Variants in KCNQ1 observed in about 807,000 individuals in gnomAD.
KCNQ1 encodes potassium voltage-gated channel subfamily KQT member 1.
Under a neutral mutation model 72.4 loss-of-function variants are expected in KCNQ1, and 49 were observed. The ratio of observed to expected loss-of-function variants is 0.68; its 90% CI spans 0.54 to 0.86. The LOEUF (loss-of-function observed/expected upper bound fraction) is 0.86, where lower values mean the gene tolerates loss of function less well. KCNQ1 is among the 40% of genes least tolerant of loss of function. The pLI is 0.00. For synonymous variants in KCNQ1, 450 were observed against 412.6 expected, an observed-to-expected ratio of 1.09 and a Z score of -1.10; for missense variants, 790 against 945.1, an observed-to-expected ratio of 0.84 and a Z score of 2.15.
In KCNQ1 at chr11:2,583,521, C is replaced by T. The variant is rs201009813; in HGVS notation, c.1008C>T (p.Ala336=). The part of the protein sequence containing the change: ...KTIASCFSVF[A]ISFFALPAGI... ...TCGCCTCCTGCTTCTCTGTCTTTGC[C>T]ATCTCCTTCTTTGCGCTCCCAGCGG... is the stretch of plus-strand genomic sequence containing the variant. Residue 336 remains alanine, a synonymous_variant, in exon 7 of 16, where the codon GCC becomes GCT. Coordinates refer to ENST00000155840, the MANE Select transcript of KCNQ1 (RefSeq NM_000218.3). 43 of 1,613,814 alleles carry T rather than the reference C, an allele frequency of 2.7e-5. No homozygotes were observed. In the East Asian group the frequency reaches 6.2e-4, roughly 23 times the overall value.
chr11:2,582,154 G>C (rs1005956349), intron 6 of KCNQ1, among the ~76,000 whole-genome samples: 1 of 152,190 alleles, frequency 6.6e-6, no homozygotes, highest in Non-Finnish European at 1.5e-5. Flanking sequence ...GGCCGCTTCT[G>C]CTACCTGAGC....
At chr11:2,780,733 A>C (rs1377096036) in intron 15 of KCNQ1, among the ~76,000 whole-genome samples, 1 of 152,186 alleles carries the variant, frequency 6.6e-6, no homozygotes, top group Non-Finnish European at 1.5e-5. Context: ...AGTGCAGGCC[A>C]GCTGAGCTTG....
At chr11:2,729,397 G>A (rs1845814972) in intron 11 of KCNQ1, among the ~76,000 whole-genome samples, 2 of 152,264 alleles carry the variant, frequency 1.3e-5, no homozygotes, top group African/African-American at 4.8e-5. Flanking sequence ...AAAGTGAGAT[G>A]TGTTGGCATT....
chr11:2,714,758 G>A (rs1284167174), intron 11 of KCNQ1, among the ~76,000 whole-genome samples: 6 of 152,286 alleles, frequency 3.9e-5, no homozygotes, highest in South Asian at 4.1e-4. Context: ...GGGTAGGAGA[G>A]CATCTTGAGG....
chr11:2,740,152 T>G (rs231879), intron 11 of KCNQ1, among the ~76,000 whole-genome samples: 12,450 of 152,188 alleles, frequency 0.082, 713 homozygotes, highest in East Asian at 0.24. Context: ...ACGTTAGAAC[T>G]TCTTTACCCC....
Position 2,570,611 on chromosome 11 carries a change from C to T in KCNQ1, c.478-17C>T, listed in dbSNP as rs753311842. The T allele has an allele frequency of 6.2e-7, 1 of 1,611,612 alleles. No individual in the cohort carries two copies. The highest frequency in any genetic ancestry group is 1.1e-5 in the South Asian group (1 of 91,056). Reference sequence around the variant, plus strand: ...GCCGAGCCTGCCTGCAGTGAGCGTCCCACTCTGTCCCTGCAGGAGATCGTG... The same window carrying T: ...GCCGAGCCTGCCTGCAGTGAGCGTCTCACTCTGTCCCTGCAGGAGATCGTG... On this transcript the variant is annotated splice_polypyrimidine_tract_variant and intron_variant, in intron 2 of 15. Transcript: ENST00000155840.
At chr11:2,522,549 C>G (rs1188130876) in intron 1 of KCNQ1, among the ~76,000 whole-genome samples, 1 of 152,224 alleles carries the variant, frequency 6.6e-6, no homozygotes, top group Non-Finnish European at 1.5e-5. Flanking sequence ...CCGCCCGAGA[C>G]AAGAATAGAT....
Position 2,447,081 on chromosome 11 carries a change from A to G in KCNQ1, c.386+1597A>G, listed in dbSNP as rs1474453794. On this transcript the variant is annotated intron_variant, in intron 1 of 15. Coordinates refer to ENST00000155840, the MANE Select transcript of KCNQ1 (RefSeq NM_000218.3). This position sits in a 1 kb window ranked among gnomAD's most constrained non-coding sequence, Gnocchi z 7.6. Reference sequence around the variant, plus strand: ...ACCCCCTCAATTCTCACTTGTATTCAGGTTTGTGGACACATGCCTCCGGGC... The same window carrying G: ...ACCCCCTCAATTCTCACTTGTATTCGGGTTTGTGGACACATGCCTCCGGGC... Among the ~76,000 whole-genome samples, 1 of 152,132 alleles carries G rather than the reference A, an allele frequency of 6.6e-6. No homozygotes were observed. Among genetic ancestry groups the G allele is most frequent in the African/African-American group, 2.4e-5 (1 of 41,406 alleles).
At chr11:2,765,791 A>G (rs1846486655) in intron 11 of KCNQ1, among the ~76,000 whole-genome samples, 1 of 152,134 alleles carries the variant, frequency 6.6e-6, no homozygotes, top group African/African-American at 2.4e-5. Context: ...CTACACCATG[A>G]CCTATCTTTT....
intron 11 of KCNQ1, chr11:2,693,834 A>C: frequency 7.5e-6 from 3 of 398,888 alleles, no homozygotes; most frequent in Non-Finnish European, 8.8e-6. Context: ...GAAAGGCAGT[A>C]TTAGAGGCCA....
rs1846218960 is a variant in KCNQ1 at position 2,457,827 on chromosome 11, A to C, written c.386+12343A>C. 6.6e-6 allele frequency among the ~76,000 whole-genome samples: 1 copy of C among 152,022 alleles called. No individual in the cohort carries two copies. The highest frequency in any genetic ancestry group is 6.6e-5 in the Admixed American group (1 of 15,256). On this transcript the variant is annotated intron_variant, in intron 1 of 15. Transcript: ENST00000155840. The surrounding 1 kb of genome is among the most constrained non-coding windows in gnomAD (Gnocchi z 5.0). ...TTTGGCATGGGAGAAAAAAAAAAAA[A>C]ACAGATGTAAGTTAGAAGAGGTTAC... is the stretch of plus-strand genomic sequence containing the variant.
Position 2,566,271 on chromosome 11 carries a change from C to A in KCNQ1, c.478-4357C>A, listed in dbSNP as rs1273792520. On this transcript the variant is annotated intron_variant, in intron 2 of 15. Coordinates refer to ENST00000155840, the MANE Select transcript of KCNQ1 (RefSeq NM_000218.3). This position sits in a 1 kb window ranked among gnomAD's most constrained non-coding sequence, Gnocchi z 6.7. ...GGCAGTAACAGGGCCACTTCCAGAACCACCACCATGCCCAGGTCATGTCTG... is the reference window on the plus strand; with the variant it reads ...GGCAGTAACAGGGCCACTTCCAGAAACACCACCATGCCCAGGTCATGTCTG... Among the ~76,000 whole-genome samples the A allele has an allele frequency of 1.3e-5, 2 of 152,232 alleles. No individual in the cohort carries two copies. The highest frequency in any genetic ancestry group is 2.9e-5 in the Non-Finnish European group (2 of 68,038).
Position 2,678,124 on chromosome 11 carries a change from A to G in KCNQ1, c.1514+16043A>G. On this transcript the variant is annotated intron_variant, in intron 11 of 15. Coordinates refer to ENST00000155840, the MANE Select transcript of KCNQ1 (RefSeq NM_000218.3). This position sits in a 1 kb window ranked among gnomAD's most constrained non-coding sequence, Gnocchi z 4.9. ...TTGCTTTGTCATATTCATTGAAAAT[A>G]TTTTATCCTCATTTTCCTTAGGTGT... 1 of 398,242 alleles carries G rather than the reference A, an allele frequency of 2.5e-6. No individual in the cohort carries two copies. The highest frequency in any genetic ancestry group is 3.6e-5 in the East Asian group (1 of 27,994). The allele number at this position is 398,242 out of a possible 1,614,324, so 24.7% of individuals were successfully genotyped here.
At chr11:2,583,267 C>G (rs530413556) in intron 6 of KCNQ1, among the ~76,000 whole-genome samples, 168 bp from the exon 7 acceptor site, 3 of 152,132 alleles carry the variant, frequency 2.0e-5, no homozygotes, top group Admixed American at 2.0e-4. Context: ...CATGTGCCAT[C>G]CCGCGGCTCT....
In KCNQ1 at chr11:2,588,979, C is replaced by G; in HGVS notation, c.1393+125C>G. Reference sequence around the variant, plus strand: ...TCTCTGACAACGAGGTATGAACAGACAGAGGGTGGAGCTTCTAGAAACTTC... The same window carrying G: ...TCTCTGACAACGAGGTATGAACAGAGAGAGGGTGGAGCTTCTAGAAACTTC... On this transcript the variant is annotated intron_variant, in intron 10 of 15. Coordinates refer to ENST00000155840, the MANE Select transcript of KCNQ1 (RefSeq NM_000218.3). This position sits in a 1 kb window ranked among gnomAD's most constrained non-coding sequence, Gnocchi z 5.6. 8.6e-7 allele frequency: 1 copy of G among 1,162,622 alleles called. No individual in the cohort carries two copies. Among genetic ancestry groups the G allele is most frequent in the South Asian group, 1.3e-5 (1 of 75,902 alleles). The allele number at this position is 1,162,622 out of a possible 1,614,324, so 72.0% of individuals were successfully genotyped here.
At chr11:2,696,344 C>T in intron 11 of KCNQ1, 1 of 398,638 alleles carries the variant, frequency 2.5e-6, no homozygotes, top group Non-Finnish European at 4.4e-6. Context: ...GGCTTTCCAA[C>T]ATCATCTTCT....
At chr11:2,585,368 C>T in intron 8 of KCNQ1, 61 bp downstream of exon 8, 2 of 1,420,232 alleles carry the variant, frequency 1.4e-6, no homozygotes, top group Non-Finnish European at 2.0e-6. Context: ...TTGCATCCAG[C>T]CCTCACGGCC....
Position 2,600,737 on chromosome 11 carries a change from G to A in KCNQ1, c.1393+11883G>A, listed in dbSNP as rs917935831. Among the ~76,000 whole-genome samples, 9 of 152,078 alleles carry A rather than the reference G, an allele frequency of 5.9e-5. No homozygotes were observed. The highest frequency in any genetic ancestry group is 8.8e-5 in the Non-Finnish European group (6 of 68,028). On this transcript the variant is annotated intron_variant, in intron 10 of 15. Coordinates refer to ENST00000155840, the MANE Select transcript of KCNQ1 (RefSeq NM_000218.3). The surrounding 1 kb of genome is among the most constrained non-coding windows in gnomAD (Gnocchi z 5.6). ...CAAGATCCAGTTCAGGGTCAGTACTGCCTTTAGATGTGTCTCTTCAGTCTT... is the reference window on the plus strand; with the variant it reads ...CAAGATCCAGTTCAGGGTCAGTACTACCTTTAGATGTGTCTCTTCAGTCTT...
intron 1 of KCNQ1, among the ~76,000 whole-genome samples, chr11:2,523,744 G>T (rs1012235437): frequency 3.4e-5 from 4 of 115,966 alleles, no homozygotes; most frequent in Middle Eastern, 4.0e-3. Flanking sequence ...CTTGGAGGAA[G>T]TTTACAGTTT....
Sources: allele counts gnomAD v4.1 joint callset (sites outside exome capture counted in the v4.1 genomes callset), GRCh38; gene constraint gnomAD v4.1.1; non-coding constraint Gnocchi (gnomAD v3.1); transcripts MANE v1.5; gene names NCBI Gene and HGNC (gene_info 2026-07-23, HGNC 2026-07-21).